The following BST1 variants were observed in gnomAD, a reference collection of about 807,000 sequenced individuals.
BST1 encodes the protein ADP-ribosyl cyclase/cyclic ADP-ribose hydrolase 2.
In BST1, 49 loss-of-function variants were observed where a neutral mutation model predicts 40.6. That is an observed-to-expected ratio of 1.21 (90% CI 0.96 to 1.53). BST1 has a LOEUF of 1.53. Among genes scored for constraint, BST1 ranks in the 40% most tolerant of loss-of-function variants. The pLI, the probability that BST1 is intolerant of heterozygous loss-of-function variation, is 0.00. For missense variants in BST1, 423 were observed against 395.9 expected, an observed-to-expected ratio of 1.07 and a Z score of -0.58; for synonymous variants, 157 against 159.3, an observed-to-expected ratio of 0.99 and a Z score of 0.11.
chr4:15,772,434 T>C, the BST1 span, among the ~76,000 whole-genome samples: 1 of 152,228 alleles, frequency 6.6e-6, no homozygotes, highest in African/African-American at 2.4e-5. Flanking sequence ...AGTCATTCAC[T>C]AACTGGTTTG....
chr4:15,704,688 T>C (rs1719781090), intron 1 of BST1, among the ~76,000 whole-genome samples: 1 of 152,016 alleles, frequency 6.6e-6, no homozygotes, highest in Admixed American at 6.6e-5. Flanking sequence ...ACCCAGCAGA[T>C]GTTTAGTCTG....
the BST1 span, among the ~76,000 whole-genome samples, chr4:15,771,349 G>C: frequency 5.9e-5 from 9 of 152,120 alleles, no homozygotes; most frequent in Admixed American, 1.3e-4. Flanking sequence ...GGAGGATCTG[G>C]GTAGTTCCTT....
At chr4:15,749,041 C>T in the BST1 span, among the ~76,000 whole-genome samples, 15 of 152,146 alleles carry the variant, frequency 9.9e-5, no homozygotes, top group Admixed American at 3.3e-4. Context: ...CTTAATCCTG[C>T]GGGGACCTTT....
At chr4:15,755,340 T>C in the BST1 span, among the ~76,000 whole-genome samples, 1 of 152,144 alleles carries the variant, frequency 6.6e-6, no homozygotes, top group Non-Finnish European at 1.5e-5. Context: ...GGTTTCACCA[T>C]GTTTGTCTGG....
At chr4:15,706,385 C>T (rs1223945757) in intron 2 of BST1, among the ~76,000 whole-genome samples, 1 of 152,194 alleles carries the variant, frequency 6.6e-6, no homozygotes, top group Non-Finnish European at 1.5e-5. Flanking sequence ...ATTCAGAAAA[C>T]TCTCAATCTC....
chr4:15,730,466 G>A (rs926050058), intron 8 of BST1, among the ~76,000 whole-genome samples: 1 of 152,186 alleles, frequency 6.6e-6, no homozygotes, highest in Non-Finnish European at 1.5e-5. Context: ...CTAACACTGT[G>A]TTCCATCCGT....
chr4:15,725,665 C>T (rs1721055405), intron 8 of BST1, among the ~76,000 whole-genome samples: 1 of 152,176 alleles, frequency 6.6e-6, no homozygotes, highest in African/African-American at 2.4e-5. Context: ...TAGTTTTGAT[C>T]CACTTCCCAT....
intron 3 of BST1, among the ~76,000 whole-genome samples, chr4:15,710,044 C>T (rs1720106701): frequency 6.6e-6 from 1 of 152,052 alleles, no homozygotes; most frequent in Non-Finnish European, 1.5e-5. Flanking sequence ...GTGATCCTAG[C>T]TCATTGCAGC....
the BST1 span, among the ~76,000 whole-genome samples, chr4:15,774,045 G>A: frequency 1.3e-5 from 2 of 152,146 alleles, no homozygotes; most frequent in East Asian, 3.9e-4. Context: ...AGGTAATTAA[G>A]TTAAAATGGG....
chr4:15,707,855 C>CTATATATA (rs1553863514), intron 3 of BST1, among the ~76,000 whole-genome samples: 20 of 128,640 alleles, frequency 1.6e-4, no homozygotes, highest in Admixed American at 4.9e-4. Context: ...CTCTCTCTCT[C>CTATATATA]TATATATATA....
At chr4:15,761,579 T>G in the BST1 span, among the ~76,000 whole-genome samples, 5 of 151,968 alleles carry the variant, frequency 3.3e-5, no homozygotes, top group Non-Finnish European at 7.3e-5. Flanking sequence ...AATTTATGAA[T>G]GAGAATCTGG....
At chr4:15,719,506 A>AT (rs940747906) in intron 7 of BST1, among the ~76,000 whole-genome samples, 4 of 152,060 alleles carry the variant, frequency 2.6e-5, no homozygotes, top group Non-Finnish European at 5.9e-5. Context: ...TTGCTTGGAC[A>AT]TTTTTTTTTT....
At chr4:15,760,298 G>C in the BST1 span, among the ~76,000 whole-genome samples, 1 of 151,604 alleles carries the variant, frequency 6.6e-6, no homozygotes, top group African/African-American at 2.4e-5. Flanking sequence ...CCGCTGTGTG[G>C]GCATATCACA....
intron 8 of BST1, among the ~76,000 whole-genome samples, chr4:15,725,018 C>T (rs1461101238): frequency 6.6e-6 from 1 of 152,148 alleles, no homozygotes; most frequent in Non-Finnish European, 1.5e-5. Context: ...CAAAAGGAAG[C>T]CGGGTGCCTC....
chr4:15,765,879 A>T, the BST1 span, among the ~76,000 whole-genome samples: 1 of 151,932 alleles, frequency 6.6e-6, no homozygotes, highest in Non-Finnish European at 1.5e-5. Flanking sequence ...TGGTTTACTT[A>T]TCTTGTCTAT....
downstream of BST1, among the ~76,000 whole-genome samples, chr4:15,740,282 T>A (rs1440832953): frequency 6.6e-6 from 1 of 152,210 alleles, no homozygotes; most frequent in Non-Finnish European, 1.5e-5. Flanking sequence ...GGTCTCAAAC[T>A]TCTAACCACA....
At chr4:15,705,266 C>T (rs547674110) in intron 1 of BST1, among the ~76,000 whole-genome samples, 1 of 151,954 alleles carries the variant, frequency 6.6e-6, no homozygotes, top group Non-Finnish European at 1.5e-5. Context: ...TGCTTGTCTC[C>T]GTGAGCCTGG....
chr4:15,738,299 T>A (rs541112797), exon 7 of BST1: 2 of 152,450 alleles, frequency 1.3e-5, no homozygotes, highest in Admixed American at 6.5e-5. Flanking sequence ...TTAAAGCCTA[T>A]TCAAAAAAAT....
At chr4:15,733,008 T>A (rs1011780969), downstream of BST1, among the ~76,000 whole-genome samples, 4 of 152,186 alleles carry the variant, frequency 2.6e-5, no homozygotes, top group African/African-American at 9.7e-5. Flanking sequence ...GCGGCAAGTG[T>A]TACAGCTATT....
Sources: gnomAD v4.1 joint callset for allele counts (sites outside exome capture counted in the v4.1 genomes callset) on GRCh38, gnomAD v4.1.1 for gene constraint, MANE v1.5 for transcripts, NCBI Gene and HGNC (gene_info 2026-07-23, HGNC 2026-07-21) for gene names.